The following USP19 variants were observed in gnomAD, a reference collection of about 807,000 sequenced individuals.
USP19 encodes ubiquitin carboxyl-terminal hydrolase 19.
A neutral mutation model predicts 144.8 loss-of-function variants in USP19; 40 were observed. That is an observed-to-expected ratio of 0.28 (90% CI 0.21 to 0.36). The LOEUF is 0.36. USP19 is among the 10% of genes least tolerant of loss of function. The probability of loss-of-function intolerance (pLI) is 1.00; values close to 1 mark genes in which losing one functional copy is unlikely to be tolerated. For missense variants in USP19, 1,518 were observed against 1,822.5 expected (o/e 0.83, Z 3.04); for synonymous variants, 701 against 709.3 (o/e 0.99, Z 0.19).
Position 49,110,767 on chromosome 3 carries a change from G to A in USP19, c.3642C>T (p.Ser1214=). 6.2e-7 allele frequency: 1 copy of A among 1,614,190 alleles called. No individual in the cohort carries two copies. Among genetic ancestry groups the A allele is most frequent in the Non-Finnish European group, 8.5e-7 (1 of 1,180,044 alleles). The change falls in exon 24 of 27, where the codon TCC becomes TCT. Residue 1214 remains serine (S), a synonymous_variant. Transcript: ENST00000417901. The surrounding 1 kb of genome is among the most constrained non-coding windows in gnomAD (Gnocchi z 6.1). ...NVLIVQLKRF[S]FRSFIWRDKI... is the part of the protein sequence containing the mutation. ...TGTCACGCCAGATAAAACTACGAAA[G>A]GAGAAGCGCTTGAGCTGCACGATGA...
At chr3:49,118,792 T>C (rs1430818117) in intron 2 of USP19, among the ~76,000 whole-genome samples, 1 of 151,040 alleles carries the variant, frequency 6.6e-6, no homozygotes, top group Non-Finnish European at 1.5e-5. Context: ...AAGAAAAAAG[T>C]TTAAAAAGGA....
In USP19 at chr3:49,116,690, C is replaced by T. The variant is rs774078129; in HGVS notation, c.1126+37G>A. On this transcript the variant is annotated intron_variant, in intron 7 of 26. Transcript: ENST00000417901. The surrounding 1 kb of genome is among the most constrained non-coding windows in gnomAD (Gnocchi z 5.0). ...TCTATCCACCTACAAACTTTGCAAC[C>T]CAACCTAGGGCTCTGCCTGCCCACC... The T allele has an allele frequency of 8.1e-6, 13 of 1,606,970 alleles. No individual in the cohort carries two copies. Among genetic ancestry groups the T allele is most frequent in the African/African-American group, 1.3e-5 (1 of 74,784 alleles).
chr3:49,117,052 C>A lies in USP19; in HGVS notation c.909+7G>T, dbSNP rs369637332. On this transcript the variant is annotated splice_region_variant and intron_variant, in intron 6 of 26. Transcript: ENST00000417901. The surrounding 1 kb of genome is among the most constrained non-coding windows in gnomAD (Gnocchi z 4.4). The stretch of plus-strand genomic sequence containing the variant: ...TCCTAACACCCAAACAGGTGCCCAG[C>A]TCTCACCTGGGTGGCTGGGTCAGCC... 3.2e-5 allele frequency: 49 copies of A among 1,518,478 alleles called. 2 individuals carry two copies. The South Asian group carries it at 5.8e-4, about 18-fold the overall frequency. The allele number at this position is 1,518,478 out of a possible 1,614,324, so 94.1% of individuals were successfully genotyped here.
At position 49,117,835 on chromosome 3, in the gene USP19, T is replaced by C. The variant is rs746829411; in HGVS notation, c.299-5A>G. ...CATGAGGGTCTTCACAAGCTCCTGATGGTGATAAGCAGGTAACAGAGACCC... is the reference window on the plus strand; with the variant it reads ...CATGAGGGTCTTCACAAGCTCCTGACGGTGATAAGCAGGTAACAGAGACCC... On this transcript the variant is annotated splice_polypyrimidine_tract_variant and splice_region_variant and intron_variant, in intron 3 of 26. Transcript: ENST00000417901. This position sits in a 1 kb window ranked among gnomAD's most constrained non-coding sequence, Gnocchi z 4.4. The C allele has an allele frequency of 1.7e-5, 28 of 1,614,040 alleles. No homozygotes were observed. Among genetic ancestry groups the C allele is most frequent in the Non-Finnish European group, 2.2e-5 (26 of 1,180,014 alleles).
At position 49,117,127 on chromosome 3, in the gene USP19, C is replaced by G. The variant is rs1438250910; in HGVS notation, c.841G>C (p.Asp281His). The change falls in exon 6 of 27, where the codon GAC becomes CAC. Residue 281 changes from aspartate (D) to histidine (H), a missense_variant. By Grantham distance (81) the Asp-to-His change is moderately conservative (BLOSUM62 -1). This residue lies in a region of USP19 where 707 missense variants were observed against 728.9 expected (regional missense o/e 0.97). Transcript: ENST00000417901. The surrounding 1 kb of genome is among the most constrained non-coding windows in gnomAD (Gnocchi z 4.4). ...AVHLCRGPEG[D>H]GSRDDPGPRG... ...GGTCCAGGGTCATCCCTGGACCCGT[C>G]CCCCTCTGGCCCTCTGCAGAGATGC... is the stretch of plus-strand genomic sequence containing the variant. The G allele has an allele frequency of 3.9e-6, 6 of 1,543,896 alleles. No homozygotes were observed. The South Asian group carries it at 6.0e-5, about 15-fold the overall frequency.
Position 49,115,276 on chromosome 3 carries a change from C to T in USP19, c.1974G>A (p.Arg658=), listed in dbSNP as rs894296411. ...RLAIGFAVLL[R]ALWKGTHHAF... ...CATGGTGGGTGCCCTTCCACAGCGC[C>T]CGAAGCAGCACGGCAAAGCCAATGG... Residue 658 remains arginine (R), a synonymous_variant, in exon 13 of 27, where the codon CGG becomes CGA. Transcript: ENST00000417901. This position sits in a 1 kb window ranked among gnomAD's most constrained non-coding sequence, Gnocchi z 6.6. 1.6e-5 allele frequency: 26 copies of T among 1,614,104 alleles called. No homozygotes were observed. Among genetic ancestry groups the T allele is most frequent in the Non-Finnish European group, 2.1e-5 (25 of 1,180,026 alleles).
rs1252337463 is a variant in USP19 at position 49,114,897 on chromosome 3, C to T, written c.2182-24G>A. On this transcript the variant is annotated intron_variant, in intron 14 of 26. Transcript: ENST00000417901. This position sits in a 1 kb window ranked among gnomAD's most constrained non-coding sequence, Gnocchi z 4.5. ...ACCTGAGAGGCAGAGTGGTGAGAAC[C>T]AAAGAGTACCAGGGGCTGGGATGCT... 2 of 1,614,024 alleles carry T rather than the reference C, an allele frequency of 1.2e-6. No individual in the cohort carries two copies. The highest frequency in any genetic ancestry group is 4.5e-5 in the East Asian group (2 of 44,898).
In USP19 at chr3:49,115,793, C is replaced by T; in HGVS notation, c.1623G>A (p.Gly541=). The T allele has an allele frequency of 6.2e-7, 1 of 1,614,112 alleles. No homozygotes were observed. Among genetic ancestry groups the T allele is most frequent in the Non-Finnish European group, 8.5e-7 (1 of 1,179,956 alleles). ...DKSKARSEDT[G]LDSVATRTPM... is the part of the protein sequence containing the mutation. ...GTGTGCGGGTTGCCACACTGTCTAG[C>T]CCTGTGTCCTCAGATCGTGCCTTGG... is the stretch of plus-strand genomic sequence containing the variant. Residue 541 remains glycine, a synonymous_variant, in exon 11 of 27, where the codon GGG becomes GGA. Transcript: ENST00000417901. This position sits in a 1 kb window ranked among gnomAD's most constrained non-coding sequence, Gnocchi z 6.6.
chr3:49,109,207 A>G (rs1333360141), intron 26 of USP19: 15 of 1,454,434 alleles, frequency 1.0e-5, no homozygotes, highest in Non-Finnish European at 1.1e-5. Context: ...GGAAACGGCC[A>G]TCAGCACCCC....
rs757955257 is a variant in USP19, at chr3:49,115,460, G to C, written c.1872C>G (p.Leu624=). Residue 624 remains leucine (L), a synonymous_variant, in exon 12 of 27, where the codon CTC becomes CTG. Coordinates refer to ENST00000417901, the MANE Select transcript of USP19 (RefSeq NM_001199161.2). This position sits in a 1 kb window ranked among gnomAD's most constrained non-coding sequence, Gnocchi z 6.6. ...VIQSLSNTRE[L]RDFFHDRSFE... ...TGCCCTCACCATGGAAGAAGTCCCGGAGTTCCCGAGTGTTGGACAGAGACT... is the reference window on the plus strand; with the variant it reads ...TGCCCTCACCATGGAAGAAGTCCCGCAGTTCCCGAGTGTTGGACAGAGACT... 1.9e-6 allele frequency: 3 copies of C among 1,614,106 alleles called. No individual in the cohort carries two copies. The South Asian group carries it at 3.3e-5, about 18-fold the overall frequency.
In USP19 at chr3:49,116,316, C is replaced by T. The variant is rs1173991645; in HGVS notation, c.1319G>A (p.Gly440Glu). The T allele has an allele frequency of 2.5e-6, 4 of 1,613,966 alleles. No individual in the cohort carries two copies. The highest frequency in any genetic ancestry group is 3.4e-6 in the Non-Finnish European group (4 of 1,180,002). ...GNFLRLHPGC[G>E]PHTTFRWQVK... ...CTGCCAACGGAAGGTGGTGTGGGGC[C>T]CACAGCCCGGGTGCAGCCTCAGGAA... Residue 440 changes from glycine (G) to glutamate (E), a missense_variant, in exon 9 of 27, where the codon GGG becomes GAG. Gly to Glu is a moderately conservative substitution (Grantham distance 98). Around this residue, in one of 5 missense-constraint regions of USP19, gnomAD observed 707 missense variants for 728.9 expected, o/e 0.97. Transcript: ENST00000417901. The surrounding 1 kb of genome is among the most constrained non-coding windows in gnomAD (Gnocchi z 5.0).
chr3:49,108,808 T>G lies in USP19; in HGVS notation c.4039-280A>C, dbSNP rs745854186. On this transcript the variant is annotated intron_variant, in intron 26 of 26. Transcript: ENST00000417901. This position sits in a 1 kb window ranked among gnomAD's most constrained non-coding sequence, Gnocchi z 4.8. The stretch of plus-strand genomic sequence containing the variant: ...CAGATGGATACACACCCTAGGATAC[T>G]CTGCCCCTGCAGGGGCCACAACCTC... 2 of 1,440,746 alleles carry G rather than the reference T, an allele frequency of 1.4e-6. No homozygotes were observed. Among genetic ancestry groups the G allele is most frequent in the Non-Finnish European group, 1.8e-6 (2 of 1,097,914 alleles). The allele number at this position is 1,440,746 out of a possible 1,614,324, so 89.2% of individuals were successfully genotyped here.
rs2043110479 is a variant in USP19 at position 49,111,279 on chromosome 3, G to C, written c.3304C>G (p.Arg1102Gly). 6.2e-7 allele frequency: 1 copy of C among 1,614,184 alleles called. No individual in the cohort carries two copies. Among genetic ancestry groups the C allele is most frequent in the Non-Finnish European group, 8.5e-7 (1 of 1,180,034 alleles). ...CCTTTGTCCTCTAGCCGCTGCTCTC[G>C]GTTGGATGAATCAATTTTATAGATG... is the stretch of plus-strand genomic sequence containing the variant. Reference protein sequence around the residue: ...FFIYKIDSSNREQRLEDKGDT... With the variant: ...FFIYKIDSSNGEQRLEDKGDT... Residue 1102 changes from arginine (R) to glycine (G), a missense_variant, in exon 22 of 27, where the codon CGA becomes GGA. Around this residue, in one of 5 missense-constraint regions of USP19, gnomAD observed 413 missense variants for 515.8 expected, o/e 0.80. Coordinates refer to ENST00000417901, the MANE Select transcript of USP19 (RefSeq NM_001199161.2). The surrounding 1 kb of genome is among the most constrained non-coding windows in gnomAD (Gnocchi z 5.9).
At chr3:49,113,956 C>A (rs1449005049) in intron 17 of USP19, 36 bp downstream of exon 17, 1 of 1,602,462 alleles carries the variant, frequency 6.2e-7, no homozygotes. Context: ...ACACACACAT[C>A]CACACATGTG....
intron 26 of USP19, chr3:49,109,290 A>T (rs2042786709): frequency 1.5e-6 from 2 of 1,339,730 alleles, no homozygotes; most frequent in African/African-American, 3.0e-5. Flanking sequence ...TGGGGCTAAC[A>T]CCCTGCATTC....
Position 49,116,916 on chromosome 3 carries a change from G to C in USP19, c.937C>G (p.Pro313Ala). The C allele has an allele frequency of 6.2e-7, 1 of 1,613,976 alleles. No individual in the cohort carries two copies. Among genetic ancestry groups the C allele is most frequent in the Non-Finnish European group, 8.5e-7 (1 of 1,179,996 alleles). ...AGGCAGGTTTGGGAGTTCAGCGGTG[G>C]TATGCAAAGCTGTTCATCAGCCTCA... ...QVEADEQLCI[P>A]PLNSQTCLLG... is the part of the protein sequence containing the mutation. The change falls in exon 7 of 27, where the codon CCA becomes GCA. Residue 313 changes from proline to alanine, a missense_variant. This residue lies in a region of USP19 where 707 missense variants were observed against 728.9 expected (regional missense o/e 0.97). Coordinates refer to ENST00000417901, the MANE Select transcript of USP19 (RefSeq NM_001199161.2). This position sits in a 1 kb window ranked among gnomAD's most constrained non-coding sequence, Gnocchi z 5.0.
In USP19 at chr3:49,116,554, C is replaced by T. The variant is rs768603308; in HGVS notation, c.1180G>A (p.Gly394Ser). 6.2e-7 allele frequency: 1 copy of T among 1,614,222 alleles called. No individual in the cohort carries two copies. Among genetic ancestry groups the T allele is most frequent in the Non-Finnish European group, 8.5e-7 (1 of 1,180,036 alleles). The change falls in exon 8 of 27, where the codon GGC (glycine) becomes AGC (serine). Residue 394 changes from glycine (G) to serine (S), a missense_variant. Physicochemically the swap from Gly to Ser is moderately conservative, Grantham distance 56. Coordinates refer to ENST00000417901, the MANE Select transcript of USP19 (RefSeq NM_001199161.2). The surrounding 1 kb of genome is among the most constrained non-coding windows in gnomAD (Gnocchi z 5.0). The stretch of plus-strand genomic sequence containing the variant: ...ACGTGCACCACCACTGAATCCGGGC[C>T]CTTCTCATACGAGTCATTCTTGACA... ...AFVKNDSYEK[G>S]PDSVVVHVYV... is the part of the protein sequence containing the mutation.
At position 49,116,954 on chromosome 3, in the gene USP19, C is replaced by A; in HGVS notation, c.910-11G>T. ...TTCATCAGCCTCAACCTATTAATGG[C>A]AAGATTGTGGAAAGAATCAGCCCTG... On this transcript the variant is annotated splice_polypyrimidine_tract_variant and intron_variant, in intron 6 of 26. Coordinates refer to ENST00000417901, the MANE Select transcript of USP19 (RefSeq NM_001199161.2). This position sits in a 1 kb window ranked among gnomAD's most constrained non-coding sequence, Gnocchi z 5.0. The A allele has an allele frequency of 6.2e-7, 1 of 1,611,384 alleles. No homozygotes were observed. Among genetic ancestry groups the A allele is most frequent in the South Asian group, 1.1e-5 (1 of 90,790 alleles).
chr3:49,116,714 C>G lies in USP19; in HGVS notation c.1126+13G>C. The stretch of plus-strand genomic sequence containing the variant: ...CCCAACCTAGGGCTCTGCCTGCCCA[C>G]CCCCACCTTTACCATCCACCAAGGT... On this transcript the variant is annotated intron_variant, in intron 7 of 26. Transcript: ENST00000417901. The surrounding 1 kb of genome is among the most constrained non-coding windows in gnomAD (Gnocchi z 5.0). 1 of 1,607,962 alleles carries G rather than the reference C, an allele frequency of 6.2e-7. No homozygotes were observed. Among genetic ancestry groups the G allele is most frequent in the East Asian group, 2.2e-5 (1 of 44,798 alleles).
Sources: gnomAD v4.1 joint callset for allele counts (sites outside exome capture counted in the v4.1 genomes callset) on GRCh38, gnomAD v4.1.1 for gene constraint, gnomAD v4.1.1 regional missense constraint, Gnocchi (gnomAD v3.1) non-coding constraint, MANE v1.5 for transcripts, NCBI Gene and HGNC (gene_info 2026-07-23, HGNC 2026-07-21) for gene names.